Variants in THADA observed in about 807,000 individuals in gnomAD.
The protein encoded by THADA is THADA armadillo repeat containing.
In THADA, 213 loss-of-function variants were observed where a neutral mutation model predicts 219.8. The ratio of observed to expected loss-of-function variants is 0.97; its 90% CI spans 0.87 to 1.09. The LOEUF (loss-of-function observed/expected upper bound fraction) is 1.09, where lower values mean the gene tolerates loss of function less well. THADA is among the 50% of genes least tolerant of loss of function. The probability of loss-of-function intolerance (pLI) is 0.00; values close to 1 mark genes in which losing one functional copy is unlikely to be tolerated. For missense variants in THADA, 2,956 were observed against 2,311.3 expected (o/e 1.28, Z -5.72); for synonymous variants, 1,018 against 828.9 (o/e 1.23, Z -3.92).
chr2:43,515,877 G>A (rs1464469946), intron 22 of THADA, among the ~76,000 whole-genome samples: 2 of 152,204 alleles, frequency 1.3e-5, no homozygotes, highest in East Asian at 1.9e-4. Flanking sequence ...TTTCAATGGG[G>A]TGTCTACTAG....
rs926771852 is a variant in THADA, at chr2:43,344,754, T to G, written c.4228-517A>C. Reference sequence around the variant, plus strand: ...ACTGGGCAGTGATGTTTGTAACTATTTAGGGTTTTTTTTGTTTTTTTTTTT... The same window carrying G: ...ACTGGGCAGTGATGTTTGTAACTATGTAGGGTTTTTTTTGTTTTTTTTTTT... On this transcript the variant is annotated intron_variant, in intron 29 of 37. Transcript: ENST00000405975. 5.9e-5 allele frequency among the ~76,000 whole-genome samples: 9 copies of G among 151,976 alleles called. 1 individual carries two copies. Among genetic ancestry groups the G allele is most frequent in the African/African-American group, 2.2e-4 (9 of 41,302 alleles).
intron 17 of THADA, among the ~76,000 whole-genome samples, chr2:43,555,264 T>C (rs569276731): frequency 6.6e-6 from 1 of 151,604 alleles, no homozygotes; most frequent in South Asian, 2.1e-4. Flanking sequence ...TAAAAATTAA[T>C]ATAAAATACA....
intron 26 of THADA, among the ~76,000 whole-genome samples, chr2:43,445,963 G>C (rs939764035): frequency 6.6e-6 from 1 of 152,210 alleles, no homozygotes; most frequent in Non-Finnish European, 1.5e-5. Context: ...TCTTGGTCCT[G>C]GAAGAGCCCT....
intron 24 of THADA, among the ~76,000 whole-genome samples, chr2:43,500,076 A>G (rs1018812644): frequency 1.3e-5 from 2 of 152,168 alleles, no homozygotes; most frequent in East Asian, 3.8e-4. Flanking sequence ...ATATTATCAA[A>G]GAGTTTGAAG....
In THADA at chr2:43,592,364, T is replaced by G; in HGVS notation, c.29A>C (p.Gln10Pro). The change falls in exon 2 of 38, where the codon CAA becomes CCA. Residue 10 changes from glutamine (Q) to proline (P), a missense_variant. Transcript: ENST00000405975. ...ATGGCAAATGGTCAGCGCAGCAACT[T>G]GCATTTCTTTCTTCTTCTTTACACC... MGVKKKKEMQVAALTICHQD... is the reference protein window; with the variant it reads MGVKKKKEMPVAALTICHQD... The G allele has an allele frequency of 6.2e-7, 1 of 1,607,658 alleles. No homozygotes were observed. The highest frequency in any genetic ancestry group is 8.5e-7 in the Non-Finnish European group (1 of 1,176,940).
intron 30 of THADA, among the ~76,000 whole-genome samples, chr2:43,328,031 T>C (rs976974887): frequency 6.6e-6 from 1 of 152,178 alleles, no homozygotes; most frequent in African/African-American, 2.4e-5. Context: ...GGTACTTCTT[T>C]TGATGGAGGC....
intron 15 of THADA, among the ~76,000 whole-genome samples, chr2:43,560,676 T>C (rs958687894): frequency 6.6e-6 from 1 of 152,160 alleles, no homozygotes; most frequent in African/African-American, 2.4e-5. Flanking sequence ...CAAGTAAATT[T>C]AGAAACACAT....
At chr2:43,592,600 T>C (rs1201846796) in intron 1 of THADA, among the ~76,000 whole-genome samples, 184 bp from the exon 2 acceptor site, 2 of 152,134 alleles carry the variant, frequency 1.3e-5, no homozygotes, top group Non-Finnish European at 2.9e-5. Context: ...AACCAAAATA[T>C]GTCTCCAAAC....
intron 29 of THADA, among the ~76,000 whole-genome samples, chr2:43,358,736 A>G (rs1269181544): frequency 1.3e-5 from 2 of 152,222 alleles, no homozygotes; most frequent in African/African-American, 4.8e-5. Flanking sequence ...TAAAGGCCCC[A>G]AAACCTGAGT....
At chr2:43,362,073 AT>A (rs1194970606) in intron 29 of THADA, among the ~76,000 whole-genome samples, 5 of 152,222 alleles carry the variant, frequency 3.3e-5, no homozygotes, top group African/African-American at 4.8e-5. Flanking sequence ...TTTCTTTAGT[AT>A]TTCCCAAATG....
intron 6 of THADA, 32 bp from the exon 7 acceptor site, chr2:43,586,481 T>C: frequency 6.6e-7 from 1 of 1,510,436 alleles, no homozygotes; most frequent in Non-Finnish European, 8.9e-7. Context: ...AAATAAGAAT[T>C]TAAAACTGTG....
chr2:43,402,582 G>A (rs1478425201), intron 28 of THADA, among the ~76,000 whole-genome samples: 1 of 152,082 alleles, frequency 6.6e-6, no homozygotes, highest in Non-Finnish European at 1.5e-5. Flanking sequence ...AAGGTAAGTG[G>A]CTATACATCA....
At chr2:43,320,727 T>C (rs1229708179) in intron 30 of THADA, among the ~76,000 whole-genome samples, 187 bp from the exon 31 acceptor site, 9 of 152,216 alleles carry the variant, frequency 5.9e-5, no homozygotes, top group South Asian at 4.1e-4. Context: ...AATGAAATCC[T>C]TGACCATATG....
chr2:43,453,522 T>C (rs1682617803), intron 26 of THADA, among the ~76,000 whole-genome samples: 1 of 152,244 alleles, frequency 6.6e-6, no homozygotes, highest in Non-Finnish European at 1.5e-5. Flanking sequence ...CTCTAACCTC[T>C]GGCTCCTGGG....
At chr2:43,457,593 A>C (rs1005751809) in intron 26 of THADA, among the ~76,000 whole-genome samples, 1 of 152,170 alleles carries the variant, frequency 6.6e-6, no homozygotes, top group African/African-American at 2.4e-5. Context: ...TTCATATGTA[A>C]ATTCTGGCAT....
intron 30 of THADA, among the ~76,000 whole-genome samples, chr2:43,322,819 G>T: frequency 1.3e-5 from 2 of 150,688 alleles, no homozygotes; most frequent in South Asian, 4.2e-4. Flanking sequence ...CGGAGTAGCT[G>T]GGACTACAGG....
At chr2:43,499,265 C>T (rs1325314173) in intron 24 of THADA, among the ~76,000 whole-genome samples, 1 of 152,128 alleles carries the variant, frequency 6.6e-6, no homozygotes, top group Non-Finnish European at 1.5e-5. Flanking sequence ...TTCTAAAATC[C>T]CTCATACCTA....
chr2:43,523,039 T>C (rs191843108), intron 22 of THADA, among the ~76,000 whole-genome samples: 117 of 152,224 alleles, frequency 7.7e-4, no homozygotes, highest in Non-Finnish European at 1.6e-3. Flanking sequence ...AGAAATAGTG[T>C]CTTATTTAGA....
intron 34 of THADA, among the ~76,000 whole-genome samples, chr2:43,290,028 T>C (rs1674506991): frequency 7.0e-6 from 1 of 142,974 alleles, no homozygotes; most frequent in Non-Finnish European, 1.5e-5. Flanking sequence ...CAGGCTGGAG[T>C]GCAGTGGCAT....
Sources: gnomAD v4.1 joint callset for allele counts (sites outside exome capture counted in the v4.1 genomes callset) on GRCh38, gnomAD v4.1.1 for gene constraint, MANE v1.5 for transcripts, NCBI Gene and HGNC (gene_info 2026-07-23, HGNC 2026-07-21) for gene names.